The following GPR158 variants were observed in gnomAD, a reference collection of about 807,000 sequenced individuals.
The protein encoded by GPR158 is G protein-coupled receptor 158, also known as metabotropic glycine receptor.
A neutral mutation model predicts 78.2 loss-of-function variants in GPR158; 30 were observed. That is an observed-to-expected ratio of 0.38 (90% confidence interval 0.29 to 0.52). The LOEUF is 0.52. Ranked by LOEUF, GPR158 falls within the 20% of genes least tolerant of loss-of-function variation. The pLI is 0.83. For missense variants in GPR158, 1,463 were observed against 1,523.5 expected (o/e 0.96, Z 0.66); for synonymous variants, 581 against 591.1 (o/e 0.98, Z 0.25).
At chr10:25,483,653 C>T (rs543259220) in intron 5 of GPR158, among the ~76,000 whole-genome samples, 1 of 152,108 alleles carries the variant, frequency 6.6e-6, no homozygotes, top group East Asian at 1.9e-4. Context: ...TTTTTCGGCA[C>T]CTGGAACAGT....
At chr10:25,340,484 C>T (rs964108547) in intron 2 of GPR158, among the ~76,000 whole-genome samples, 12 of 151,886 alleles carry the variant, frequency 7.9e-5, no homozygotes, top group Admixed American at 3.9e-4. Flanking sequence ...CTAGTATGTT[C>T]ATGAAGTTAA....
chr10:25,459,616 G>A (rs540142118), intron 4 of GPR158, among the ~76,000 whole-genome samples: 3 of 152,006 alleles, frequency 2.0e-5, no homozygotes, highest in Non-Finnish European at 4.4e-5. Context: ...ATAATAATAA[G>A]CCATTTTAAT....
At chr10:25,471,346 TC>T (rs1481907881) in intron 5 of GPR158, among the ~76,000 whole-genome samples, 2 of 152,142 alleles carry the variant, frequency 1.3e-5, no homozygotes, top group Non-Finnish European at 2.9e-5. Context: ...ATTTTCTTAA[TC>T]CCAGTCTATC....
chr10:25,438,690 AG>A (rs922944275), intron 4 of GPR158, among the ~76,000 whole-genome samples: 2 of 152,214 alleles, frequency 1.3e-5, no homozygotes, highest in African/African-American at 4.8e-5. Flanking sequence ...TAATGAAAGG[AG>A]CGTATTTTAT....
intron 2 of GPR158, among the ~76,000 whole-genome samples, chr10:25,241,311 T>TTTCTTTTCTCTTCTCTTCTCTTCTC (rs1554787218): frequency 8.6e-5 from 9 of 104,586 alleles, no homozygotes; most frequent in East Asian, 3.4e-4. Flanking sequence ...TTTCTTTTCT[T>TTTCTTTTCTCTTCTCTTCTCTTCTC]TTCTCTTCTC....
At chr10:25,292,108 G>A (rs2130765532) in intron 2 of GPR158, among the ~76,000 whole-genome samples, 1 of 151,952 alleles carries the variant, frequency 6.6e-6, no homozygotes, top group Non-Finnish European at 1.5e-5. Context: ...TTACTACATA[G>A]GAAATGTGTA....
At chr10:25,242,696 G>A (rs1564400122) in intron 2 of GPR158, among the ~76,000 whole-genome samples, 1 of 152,134 alleles carries the variant, frequency 6.6e-6, no homozygotes, top group Non-Finnish European at 1.5e-5. Flanking sequence ...TCAGAATAAT[G>A]TATGGAATGA....
chr10:25,487,353 G>T (rs889418215), intron 5 of GPR158, among the ~76,000 whole-genome samples: 9 of 152,118 alleles, frequency 5.9e-5, no homozygotes, highest in African/African-American at 2.2e-4. Flanking sequence ...TTATTTTTCT[G>T]TAAATTGTTG....
At chr10:25,410,121 C>T (rs898497031) in intron 3 of GPR158, among the ~76,000 whole-genome samples, 3 of 152,152 alleles carry the variant, frequency 2.0e-5, no homozygotes, top group Non-Finnish European at 4.4e-5. Flanking sequence ...TAGCATCTCC[C>T]TCTGTACATT....
intron 5 of GPR158, among the ~76,000 whole-genome samples, chr10:25,477,116 A>G (rs1835598137): frequency 6.6e-6 from 1 of 151,998 alleles, no homozygotes; most frequent in African/African-American, 2.4e-5. Context: ...CTTTTTTTTA[A>G]CTCCATTTTT....
intron 2 of GPR158, among the ~76,000 whole-genome samples, chr10:25,252,667 C>T (rs962334811): frequency 1.8e-4 from 28 of 152,120 alleles, no homozygotes; most frequent in African/African-American, 2.7e-4. Context: ...GGCAGTCTGC[C>T]GGTTCTCAGA....
chr10:25,382,046 G>C (rs1392454106), intron 2 of GPR158, among the ~76,000 whole-genome samples: 1 of 152,218 alleles, frequency 6.6e-6, no homozygotes, highest in African/African-American at 2.4e-5. Context: ...AGTCCCCAGT[G>C]ATGTGAACTG....
intron 5 of GPR158, among the ~76,000 whole-genome samples, chr10:25,519,743 G>C (rs1354220090): frequency 9.0e-6 from 1 of 111,680 alleles, no homozygotes; most frequent in Non-Finnish European, 1.7e-5. Flanking sequence ...TGAGAGATCC[G>C]CTGTTAGTCT....
At chr10:25,272,677 A>G (rs1854132917) in intron 2 of GPR158, among the ~76,000 whole-genome samples, 1 of 152,196 alleles carries the variant, frequency 6.6e-6, no homozygotes, top group Admixed American at 6.5e-5. Flanking sequence ...TCCTGTACAA[A>G]ATGGAATGGA....
intron 2 of GPR158, among the ~76,000 whole-genome samples, chr10:25,307,996 C>T (rs189563672): frequency 1.3e-5 from 2 of 151,206 alleles, no homozygotes; most frequent in African/African-American, 4.9e-5. Flanking sequence ...ATTTTACATT[C>T]ATACCAGCAA....
intron 5 of GPR158, among the ~76,000 whole-genome samples, chr10:25,547,466 G>T (rs1836677432): frequency 6.6e-6 from 1 of 152,038 alleles, no homozygotes. Context: ...TTTGTCCTGG[G>T]CTCCCTCCCT....
intron 2 of GPR158, among the ~76,000 whole-genome samples, chr10:25,311,858 G>T (rs1321832399): frequency 6.6e-6 from 1 of 151,892 alleles, no homozygotes; most frequent in Non-Finnish European, 1.5e-5. Flanking sequence ...GCACGGATCT[G>T]TACAGCTAAG....
At chr10:25,427,787 G>C (rs1834845011) in intron 4 of GPR158, among the ~76,000 whole-genome samples, 1 of 151,858 alleles carries the variant, frequency 6.6e-6, no homozygotes, top group African/African-American at 2.4e-5. Context: ...TTACATATTT[G>C]TTCCACCCCA....
chr10:25,283,619 T>A (rs939705404), intron 2 of GPR158, among the ~76,000 whole-genome samples: 2 of 151,954 alleles, frequency 1.3e-5, no homozygotes, highest in Non-Finnish European at 2.9e-5. Flanking sequence ...ATTTCATTGA[T>A]TTTTGCTCAT....
Sources: allele counts gnomAD v4.1 joint callset (sites outside exome capture counted in the v4.1 genomes callset), GRCh38; gene constraint gnomAD v4.1.1; transcripts MANE v1.5; gene names NCBI Gene and HGNC (gene_info 2026-07-23, HGNC 2026-07-21).